The following ZNF717 variants were observed in gnomAD, a reference collection of about 807,000 sequenced individuals.
The protein encoded by ZNF717 is krueppel-like factor X17.
A neutral mutation model predicts 13.8 loss-of-function variants in ZNF717; 9 were observed. The ratio of observed to expected loss-of-function variants is 0.65; its 90% confidence interval spans 0.39 to 1.14. The LOEUF is 1.14. Among genes scored for constraint, ZNF717 ranks in the 50% most tolerant of loss-of-function variants. The pLI is 0.01. For missense variants in ZNF717, 1,040 were observed against 1,080.7 expected (o/e 0.96, Z 0.53); for synonymous variants, 327 against 364.1 (o/e 0.90, Z 1.16).
At chr3:75,759,103 A>C (rs1453015027) in intron 2 of ZNF717, among the ~76,000 whole-genome samples, 1 of 152,244 alleles carries the variant, frequency 6.6e-6, no homozygotes, top group Admixed American at 6.5e-5. Context: ...CACTTTATAC[A>C]GCACAGTATA....
chr3:75,714,625 C>T (rs73114933), intron 5 of ZNF717, among the ~76,000 whole-genome samples: 3 of 151,868 alleles, frequency 2.0e-5, no homozygotes, highest in East Asian at 1.9e-4. Flanking sequence ...GGTGGCTTGC[C>T]GCCCACATAA....
chr3:75,784,457 T>C (rs1435297727), intron 1 of ZNF717, among the ~76,000 whole-genome samples: 1 of 152,216 alleles, frequency 6.6e-6, no homozygotes, highest in African/African-American at 2.4e-5. Flanking sequence ...CACAATCTAA[T>C]GCTAAAGCTA....
At chr3:75,724,597 T>C (rs1301465883) in intron 4 of ZNF717, among the ~76,000 whole-genome samples, 1 of 152,234 alleles carries the variant, frequency 6.6e-6, no homozygotes, top group African/African-American at 2.4e-5. Context: ...AAAGACATAC[T>C]TGGGGATCTA....
At chr3:75,741,795 T>C in intron 2 of ZNF717, 59 bp from the exon 3 acceptor site, 4 of 1,544,060 alleles carry the variant, frequency 2.6e-6, no homozygotes, top group South Asian at 1.2e-5. Context: ...CAGGGTCCTC[T>C]AAGCATCATC....
chr3:75,744,926 C>T (rs1251451513), intron 2 of ZNF717, among the ~76,000 whole-genome samples: 68 of 152,264 alleles, frequency 4.5e-4, no homozygotes, highest in African/African-American at 1.5e-3. Context: ...AATCATGTTC[C>T]GCCCAAGGTG....
intron 2 of ZNF717, among the ~76,000 whole-genome samples, chr3:75,765,166 A>T (rs1943364862): frequency 1.3e-5 from 2 of 151,830 alleles, no homozygotes; most frequent in Admixed American, 1.3e-4. Context: ...ATATAACCCC[A>T]GGTATATAAG....
intron 2 of ZNF717, among the ~76,000 whole-genome samples, chr3:75,762,509 G>C (rs1943122527): frequency 6.7e-6 from 1 of 149,132 alleles, no homozygotes; most frequent in African/African-American, 2.5e-5. Flanking sequence ...GCTTAACCAA[G>C]AGGGCAAAAG....
rs34781918 is a variant in ZNF717 at position 75,739,413 on chromosome 3, T to TAA, written c.278-70_278-69dup. On this transcript the variant is annotated intron_variant, in intron 4 of 4. Coordinates refer to ENST00000652011, the MANE Select transcript of ZNF717 (RefSeq NM_001290208.3). ...GTCTTACAGAATGCTTGTGTAAAGG[T>TAA]AAAAAAAATTACTTCCTATCTCAGT... 3.6e-4 allele frequency: 429 copies of TAA among 1,199,304 alleles called. 5 individuals carry two copies. The East Asian group carries it at 9.0e-3, about 25-fold the overall frequency. The allele number at this position is 1,199,304 out of a possible 1,614,324, so 74.3% of individuals were successfully genotyped here. A position where few individuals can be genotyped will look rare whatever the true frequency, so the allele number is the denominator to read the frequency against.
At chr3:75,762,604 T>C (rs1162466753) in intron 2 of ZNF717, among the ~76,000 whole-genome samples, 2 of 152,178 alleles carry the variant, frequency 1.3e-5, no homozygotes, top group African/African-American at 4.8e-5. Flanking sequence ...GCAGATGAGA[T>C]GATTTCATCT....
intron 4 of ZNF717, among the ~76,000 whole-genome samples, chr3:75,720,820 TAAAAAGAAA>T (rs1396740245): frequency 6.6e-6 from 1 of 152,004 alleles, no homozygotes; most frequent in Non-Finnish European, 1.5e-5. Flanking sequence ...CCATTTTTAC[TAAAAAGAAA>T]AAAAAGAAAA....
At position 75,759,660 on chromosome 3, in the gene ZNF717, C is replaced by T. The variant is rs76506221; in HGVS notation, c.58-17924G>A. Among the ~76,000 whole-genome samples the T allele has an allele frequency of 2.7e-3, 417 of 152,128 alleles. 12 individuals are homozygous for T. In the East Asian group the frequency reaches 0.071, roughly 26 times the overall value. ...CTTGGCTCACTGCAACCTCTGCCTC[C>T]CAGGTTCAAGCAATTCTCCCGCCTC... On this transcript the variant is annotated intron_variant, in intron 2 of 4. Coordinates refer to ENST00000652011, the MANE Select transcript of ZNF717 (RefSeq NM_001290208.3).
At chr3:75,731,439 A>C (rs1330759642), downstream of ZNF717, among the ~76,000 whole-genome samples, 1 of 152,128 alleles carries the variant, frequency 6.6e-6, no homozygotes, top group Non-Finnish European at 1.5e-5. Flanking sequence ...GGGTGCCTGT[A>C]ATCTCAGCTA....
At chr3:75,724,966 C>G (rs1452880237), downstream of ZNF717, among the ~76,000 whole-genome samples, 2 of 152,262 alleles carry the variant, frequency 1.3e-5, no homozygotes, top group Non-Finnish European at 2.9e-5. Context: ...TTCTTCTACT[C>G]ACTGCTTCCT....
downstream of ZNF717, among the ~76,000 whole-genome samples, chr3:75,733,963 G>T (rs201410749): frequency 6.1e-3 from 804 of 131,846 alleles, 12 homozygotes; most frequent in African/African-American, 0.021. Context: ...ACAAACAAAA[G>T]TTGAGGAAAC....
At chr3:75,776,526 T>C (rs1448352189) in intron 2 of ZNF717, among the ~76,000 whole-genome samples, 2 of 152,278 alleles carry the variant, frequency 1.3e-5, no homozygotes, top group Non-Finnish European at 2.9e-5. Context: ...TATGGTTCAC[T>C]GAGGACAGCG....
chr3:75,716,267 C>G (rs1301270110), intron 5 of ZNF717, among the ~76,000 whole-genome samples: 1 of 151,784 alleles, frequency 6.6e-6, no homozygotes, highest in Non-Finnish European at 1.5e-5. Flanking sequence ...AAAATTTTAA[C>G]CTAGACATGC....
At chr3:75,748,082 A>G (rs1941342716) in intron 2 of ZNF717, among the ~76,000 whole-genome samples, 1 of 152,202 alleles carries the variant, frequency 6.6e-6, no homozygotes, top group Non-Finnish European at 1.5e-5. Context: ...CAAATAAACT[A>G]GAAAATCTAG....
At chr3:75,754,320 T>A (rs3887345) in intron 2 of ZNF717, among the ~76,000 whole-genome samples, 2,577 of 134,770 alleles carry the variant, frequency 0.019, no homozygotes, top group Admixed American at 0.024. Context: ...CCTGGAATTA[T>A]GGGGAAAAAA....
chr3:75,733,063 A>C (rs1157715862), downstream of ZNF717, among the ~76,000 whole-genome samples: 2 of 149,872 alleles, frequency 1.3e-5, no homozygotes, highest in East Asian at 3.9e-4. Flanking sequence ...CAGTAGAGAT[A>C]AAAAAAATAC....
Sources: gnomAD v4.1 joint callset for allele counts (sites outside exome capture counted in the v4.1 genomes callset) on GRCh38, gnomAD v4.1.1 for gene constraint, MANE v1.5 for transcripts, NCBI Gene and HGNC (gene_info 2026-07-23, HGNC 2026-07-21) for gene names.